NTRK3: variants seen among roughly 807,000 people sequenced by gnomAD.
The protein encoded by NTRK3 is neurotrophic receptor tyrosine kinase 3.
NTRK3 carries 24 observed loss-of-function variants against 91.7 expected under a neutral mutation model. The observed-to-expected ratio is 0.26, with a 90% confidence interval of 0.19 to 0.37. The LOEUF is 0.37. Among genes scored for constraint, NTRK3 ranks in the 10% least tolerant of loss-of-function variants. NTRK3 has a pLI of 1.00. For synonymous variants in NTRK3, 483 were observed against 404.0 expected (o/e 1.20, Z -2.34); for missense variants, 880 against 1,068.9 (o/e 0.82, Z 2.46).
chr15:87,896,541 T>C (rs1192091861), intron 17 of NTRK3, among the ~76,000 whole-genome samples: 2 of 151,910 alleles, frequency 1.3e-5, no homozygotes, highest in Non-Finnish European at 1.5e-5. Flanking sequence ...AGAGTTTGAC[T>C]CCATTCATCG....
At chr15:88,074,539 C>T (rs16941216) in intron 13 of NTRK3, among the ~76,000 whole-genome samples, 6,800 of 152,226 alleles carry the variant, frequency 0.045, 472 homozygotes, top group African/African-American at 0.15. Context: ...ACTCAAGCTC[C>T]GAGAGAAGTG....
intron 17 of NTRK3, among the ~76,000 whole-genome samples, chr15:87,914,562 TA>T (rs896627124): frequency 6.6e-6 from 1 of 152,252 alleles, no homozygotes; most frequent in African/African-American, 2.4e-5. Flanking sequence ...AAGTAACTTT[TA>T]TTAAGCATTT....
At chr15:88,125,910 C>G (rs1256407934) in intron 13 of NTRK3, among the ~76,000 whole-genome samples, 1 of 152,234 alleles carries the variant, frequency 6.6e-6, no homozygotes, top group East Asian at 1.9e-4. Flanking sequence ...AAACCGTGTC[C>G]TCAAACTAGG....
At chr15:88,050,538 G>C (rs978871563) in intron 13 of NTRK3, among the ~76,000 whole-genome samples, 1 of 151,066 alleles carries the variant, frequency 6.6e-6, no homozygotes, top group South Asian at 2.1e-4. Flanking sequence ...TGTTTGTATA[G>C]AAAGCATAGC....
intron 13 of NTRK3, among the ~76,000 whole-genome samples, chr15:88,104,867 C>T (rs1364808213): frequency 6.6e-6 from 1 of 152,200 alleles, no homozygotes; most frequent in African/African-American, 2.4e-5. Context: ...GGAGTTAATT[C>T]TCTACTGCCC....
intron 14 of NTRK3, among the ~76,000 whole-genome samples, chr15:87,996,619 C>T (rs1429572755): frequency 1.3e-5 from 2 of 152,156 alleles, no homozygotes; most frequent in Admixed American, 6.5e-5. Flanking sequence ...GGACAGCATG[C>T]CTGCAATGCT....
At chr15:88,005,810 A>C (rs751709408) in intron 14 of NTRK3, among the ~76,000 whole-genome samples, 1 of 152,174 alleles carries the variant, frequency 6.6e-6, no homozygotes, top group Non-Finnish European at 1.5e-5. Context: ...CCCCTTCAAC[A>C]AAGTTTTTAC....
intron 3 of NTRK3, among the ~76,000 whole-genome samples, chr15:88,211,441 T>C (rs868776438): frequency 1.1e-4 from 16 of 152,252 alleles, no homozygotes; most frequent in Non-Finnish European, 1.8e-4. Context: ...TTCCACCTTT[T>C]GGCTATTTTA....
At chr15:88,132,646 A>G (rs2041475147) in intron 10 of NTRK3, among the ~76,000 whole-genome samples, 1 of 152,210 alleles carries the variant, frequency 6.6e-6, no homozygotes, top group African/African-American at 2.4e-5. Context: ...GAGAAGAGCA[A>G]GAATCACAGA....
At chr15:87,904,934 G>A (rs944489439) in intron 17 of NTRK3, among the ~76,000 whole-genome samples, 19 of 152,282 alleles carry the variant, frequency 1.2e-4, no homozygotes, top group African/African-American at 3.4e-4. Context: ...TGAAAGTGGA[G>A]TATCCTATGG....
intron 13 of NTRK3, among the ~76,000 whole-genome samples, chr15:88,072,126 C>T (rs1018649645): frequency 1.3e-5 from 2 of 151,682 alleles, no homozygotes; most frequent in African/African-American, 4.9e-5. Flanking sequence ...CTGCCTCAGC[C>T]TCCTGAGTAG....
chr15:88,013,704 T>C (rs184790361), intron 14 of NTRK3, among the ~76,000 whole-genome samples: 15 of 152,280 alleles, frequency 9.9e-5, no homozygotes, highest in African/African-American at 3.6e-4. Context: ...AAAAATCCTG[T>C]AGCAGGGCCT....
chr15:87,979,255 T>C, intron 14 of NTRK3: 1 of 964,842 alleles, frequency 1.0e-6, no homozygotes, highest in Non-Finnish European at 1.7e-6. Flanking sequence ...CATCCCTGGA[T>C]CCAAAGAGAA....
chr15:87,926,636 A>G (rs2068333011), intron 17 of NTRK3: 1 of 152,236 alleles, frequency 6.6e-6, no homozygotes, highest in Non-Finnish European at 1.5e-5. Context: ...ACAGTTATTA[A>G]GGCAAGGACA....
chr15:87,905,043 A>T (rs1203642089), intron 17 of NTRK3, among the ~76,000 whole-genome samples: 2 of 152,180 alleles, frequency 1.3e-5, no homozygotes, highest in Non-Finnish European at 2.9e-5. Context: ...CCAAAACTTG[A>T]TGAGGTAACC....
At chr15:88,170,926 G>A (rs902227935) in intron 5 of NTRK3, among the ~76,000 whole-genome samples, 1 of 152,142 alleles carries the variant, frequency 6.6e-6, no homozygotes, top group African/African-American at 2.4e-5. Flanking sequence ...AGCCCTCAGT[G>A]GTGCCTTCCA....
chr15:88,028,363 G>A (rs189952056), intron 14 of NTRK3, among the ~76,000 whole-genome samples: 4 of 152,268 alleles, frequency 2.6e-5, no homozygotes, highest in Admixed American at 6.5e-5. Flanking sequence ...AGACAAAAGG[G>A]GAAAAATCAG....
intron 17 of NTRK3, among the ~76,000 whole-genome samples, chr15:87,880,670 T>C (rs1011989497): frequency 6.6e-5 from 10 of 152,174 alleles, no homozygotes. Context: ...TGGCACTCAG[T>C]GTGTAGAAAG....
At chr15:87,934,880 GC>G (rs2141973304) in intron 15 of NTRK3, among the ~76,000 whole-genome samples, 1 of 152,274 alleles carries the variant, frequency 6.6e-6, no homozygotes, top group African/African-American at 2.4e-5. Context: ...CAGAGATCAA[GC>G]CCCCTTCAAC....
Sources: allele counts gnomAD v4.1 joint callset (sites outside exome capture counted in the v4.1 genomes callset), GRCh38; gene constraint gnomAD v4.1.1; transcripts MANE v1.5; gene names NCBI Gene and HGNC (gene_info 2026-07-23, HGNC 2026-07-21).